The following ZNF257 variants were observed in gnomAD, a reference collection of about 807,000 sequenced individuals.
ZNF257 encodes zinc finger protein 257.
A neutral mutation model predicts 11.9 loss-of-function variants in ZNF257; 12 were observed. The ratio of observed to expected loss-of-function variants is 1.01; its 90% CI spans 0.65 to 1.63. ZNF257 has a LOEUF of 1.63. ZNF257 is among the 40% of genes most tolerant of loss of function. The pLI, the probability that ZNF257 is intolerant of heterozygous loss-of-function variation, is 0.00. For synonymous variants in ZNF257, 183 were observed against 222.7 expected, an observed-to-expected ratio of 0.82 and a Z score of 1.59; for missense variants, 580 against 665.5, an observed-to-expected ratio of 0.87 and a Z score of 1.41.
rs181114669 is a variant in ZNF257, at chr19:22,072,667, A to C, written c.4-142A>C. The stretch of plus-strand genomic sequence containing the variant: ...TAGAGAATATTTCTGTGTTAAAAAA[A>C]TATTTTCTTGGATAATTTTGGTCAC... On this transcript the variant is annotated intron_variant, in intron 1 of 3. Transcript: ENST00000594947. The C allele has an allele frequency of 7.3e-4, 648 of 893,364 alleles. 1 individual carries two copies. The highest frequency in any genetic ancestry group is 1.1e-3 in the Admixed American group (36 of 32,962). 55.3% of individuals were successfully genotyped at this position (893,364 alleles called of 1,614,324 possible).
At chr19:22,084,768 G>T (rs1223631535) in intron 3 of ZNF257, among the ~76,000 whole-genome samples, 4 of 139,212 alleles carry the variant, frequency 2.9e-5, no homozygotes, top group South Asian at 4.5e-4. Context: ...ATCTCACTCT[G>T]TTGCCCAGGC....
intron 1 of ZNF257, among the ~76,000 whole-genome samples, chr19:22,058,863 ACCCTCAGGAATTT>A (rs1184068646): frequency 6.6e-6 from 1 of 151,840 alleles, no homozygotes; most frequent in African/African-American, 2.4e-5. Flanking sequence ...GCTAGACACC[ACCCTCAGGAATTT>A]CACCACAGCA....
At chr19:22,066,256 C>A (rs2021942955) in intron 1 of ZNF257, 1 of 152,588 alleles carries the variant, frequency 6.6e-6, no homozygotes, top group African/African-American at 2.4e-5. Flanking sequence ...ACTCATACTG[C>A]AAATCCAGCA....
chr19:22,062,910 A>G (rs2021841708), intron 1 of ZNF257, among the ~76,000 whole-genome samples: 1 of 152,150 alleles, frequency 6.6e-6, no homozygotes, highest in South Asian at 2.1e-4. Context: ...GAATACTTTT[A>G]GCGGAAATGG....
Position 22,088,019 on chromosome 19 carries a change from A to T in ZNF257, c.269A>T (p.Asp90Val). 1 of 1,558,462 alleles carries T rather than the reference A, an allele frequency of 6.4e-7. No individual in the cohort carries two copies. Among genetic ancestry groups the T allele is most frequent in the Non-Finnish European group, 8.7e-7 (1 of 1,150,702 alleles). Residue 90 changes from aspartate to valine, a missense_variant, in exon 4 of 4, where the codon GAC becomes GTC. Asp to Val is a radical substitution (Grantham distance 152). Transcript: ENST00000594947. ...HIAEDLCPER[D>V]IKYFFQKVIL... is the part of the protein sequence containing the mutation. ...GCTGAAGACCTTTGCCCAGAGCGAGACATAAAATATTTTTTCCAAAAAGTC... is the reference window on the plus strand; with the variant it reads ...GCTGAAGACCTTTGCCCAGAGCGAGTCATAAAATATTTTTTCCAAAAAGTC...
At chr19:22,084,347 G>A (rs2022426250) in intron 3 of ZNF257, among the ~76,000 whole-genome samples, 1 of 151,904 alleles carries the variant, frequency 6.6e-6, no homozygotes, top group South Asian at 2.1e-4. Context: ...GATTTGTCTA[G>A]TTTTCAGCTT....
At chr19:22,065,181 TATG>T (rs940460741) in intron 1 of ZNF257, among the ~76,000 whole-genome samples, 4 of 152,168 alleles carry the variant, frequency 2.6e-5, no homozygotes, top group African/African-American at 7.2e-5. Context: ...TTAACTGAAT[TATG>T]ATAACAGACT....
At chr19:22,081,594 T>C (rs996126585) in intron 3 of ZNF257, among the ~76,000 whole-genome samples, 12 of 152,258 alleles carry the variant, frequency 7.9e-5, no homozygotes, top group African/African-American at 2.4e-4. Context: ...AGTGGTTTAA[T>C]GATGGCTCAC....
intron 3 of ZNF257, chr19:22,075,689 T>C (rs1034846602): frequency 1.3e-5 from 2 of 152,250 alleles, no homozygotes; most frequent in African/African-American, 4.8e-5. Flanking sequence ...CCCTCAATCT[T>C]TGGCTTTAGC....
At chr19:22,066,707 A>G (rs2021958163) in intron 1 of ZNF257, among the ~76,000 whole-genome samples, 1 of 152,228 alleles carries the variant, frequency 6.6e-6, no homozygotes, top group Non-Finnish European at 1.5e-5. Context: ...AAGATGTGAT[A>G]AGGTTTATTT....
chr19:22,074,125 C>G (rs1260232399), intron 3 of ZNF257, among the ~76,000 whole-genome samples: 1 of 151,558 alleles, frequency 6.6e-6, no homozygotes. Flanking sequence ...TTCATGTAAT[C>G]TTTAGCCTTG....
At chr19:22,078,089 T>A (rs992927667) in intron 3 of ZNF257, among the ~76,000 whole-genome samples, 1 of 148,054 alleles carries the variant, frequency 6.8e-6, no homozygotes, top group Non-Finnish European at 1.5e-5. Flanking sequence ...AAAAAAAAAA[T>A]TAGCTGGGCG....
intron 1 of ZNF257, 28 bp downstream of exon 1, chr19:22,052,663 G>C (rs764418751): frequency 2.5e-6 from 4 of 1,605,774 alleles, no homozygotes; most frequent in Admixed American, 1.7e-5. Context: ...GACATCCTGG[G>C]AGAGGGGAAG....
At position 22,088,535 on chromosome 19, in the gene ZNF257, G is replaced by T. The variant is rs1599676549; in HGVS notation, c.785G>T (p.Cys262Phe). 6.2e-7 allele frequency: 1 copy of T among 1,613,640 alleles called. No homozygotes were observed. Among genetic ancestry groups the T allele is most frequent in the Non-Finnish European group, 8.5e-7 (1 of 1,179,854 alleles). Residue 262 changes from cysteine (C) to phenylalanine (F), a missense_variant, in exon 4 of 4, where the codon TGT becomes TTT. Coordinates refer to ENST00000594947, the MANE Select transcript of ZNF257 (RefSeq NM_033468.4). ...TREKPYKCEE[C>F]GKAFNRSSHI... ...GAGAAACCCTACAAATGTGAAGAGT[G>T]TGGCAAAGCCTTTAACCGGTCTTCA...
intron 1 of ZNF257, among the ~76,000 whole-genome samples, chr19:22,057,358 A>G (rs2021671176): frequency 6.6e-6 from 1 of 152,298 alleles, no homozygotes; most frequent in African/African-American, 2.4e-5. Context: ...TGAGCCTGCA[A>G]AAAAGGTTAT....
At chr19:22,062,846 A>G (rs751383669) in intron 1 of ZNF257, among the ~76,000 whole-genome samples, 35 of 152,272 alleles carry the variant, frequency 2.3e-4, no homozygotes, top group Admixed American at 5.2e-4. Context: ...TAGTATCACA[A>G]TGATTCTGTT....
chr19:22,072,690 C>G (rs2022131077), intron 1 of ZNF257, 119 bp from the exon 2 acceptor site: 4 of 1,199,262 alleles, frequency 3.3e-6, no homozygotes, highest in Non-Finnish European at 4.6e-6. Flanking sequence ...TAATTTTGGT[C>G]ACTCCAATAA....
intron 1 of ZNF257, among the ~76,000 whole-genome samples, chr19:22,068,021 G>A (rs1269863583): frequency 6.6e-6 from 1 of 151,762 alleles, no homozygotes; most frequent in Non-Finnish European, 1.5e-5. Flanking sequence ...AATAGTCAAT[G>A]TTATTTCTAT....
intron 3 of ZNF257, 125 bp downstream of exon 3, chr19:22,073,689 C>A: frequency 7.7e-7 from 1 of 1,291,736 alleles, no homozygotes; most frequent in Non-Finnish European, 1.1e-6. Context: ...TTCTGGAAGC[C>A]TGAGTTTGCA....
Sources: allele counts gnomAD v4.1 joint callset (sites outside exome capture counted in the v4.1 genomes callset), GRCh38; gene constraint gnomAD v4.1.1; transcripts MANE v1.5; gene names NCBI Gene and HGNC (gene_info 2026-07-23, HGNC 2026-07-21).